Variants in SEMA6A observed in about 807,000 individuals in gnomAD.
SEMA6A encodes the protein semaphorin 6A.
A neutral mutation model predicts 96.8 loss-of-function variants in SEMA6A; 25 were observed. The ratio of observed to expected loss-of-function variants is 0.26; its 90% CI spans 0.19 to 0.36. The LOEUF is 0.36. Ranked by LOEUF, SEMA6A falls within the 10% of genes least tolerant of loss-of-function variation. The pLI, the probability that SEMA6A is intolerant of heterozygous loss-of-function variation, is 1.00. For synonymous variants in SEMA6A, 612 were observed against 518.0 expected, an observed-to-expected ratio of 1.18 and a Z score of -2.46; for missense variants, 1,363 against 1,323.1, an observed-to-expected ratio of 1.03 and a Z score of -0.47.
At chr5:116,455,833 T>TACAAATAGCTAACTGTGTGACTTTGG (rs1392363059) in intron 18 of SEMA6A, among the ~76,000 whole-genome samples, 1 of 152,194 alleles carries the variant, frequency 6.6e-6, no homozygotes, top group African/African-American at 2.4e-5. Flanking sequence ...GTGTTGGCTC[T>TACAAATAGCTAACTGTGTGACTTTGG]ACAAATAGCT....
chr5:116,505,108 T>G (rs1758080283), intron 1 of SEMA6A, 126 bp from the exon 2 acceptor site: 1 of 553,756 alleles, frequency 1.8e-6, no homozygotes, highest in African/African-American at 1.9e-5. Context: ...ACATGGTAAA[T>G]TCGTTGATTT....
At chr5:116,495,708 T>A in intron 5 of SEMA6A, 194 bp from the exon 6 acceptor site, 1 of 534,186 alleles carries the variant, frequency 1.9e-6, no homozygotes. Context: ...TCAACGTAAA[T>A]AAAAACAAAG....
chr5:116,446,721 C>T lies in SEMA6A; in HGVS notation c.2985G>A (p.Leu995=), dbSNP rs775138777. ...GCGTACGCTTCAGCCCCGACCTTGT[C>T]AGTGAGTTGTAGGCGTTGAGGCTGG... ...RQPSLNAYNS[L]TRSGLKRTPS... Residue 995 remains leucine (L), a synonymous_variant, in exon 19 of 19, where the codon CTG becomes CTA. Coordinates refer to ENST00000343348, the MANE Select transcript of SEMA6A (RefSeq NM_020796.5). 2 of 1,600,348 alleles carry T rather than the reference C, an allele frequency of 1.2e-6. No individual in the cohort carries two copies. The highest frequency in any genetic ancestry group is 1.7e-5 in the Admixed American group (1 of 57,750).
rs1754074939 is a variant in SEMA6A at position 116,444,612 on chromosome 5, AGAG to A, written c.*1998_*2000del. The A allele has an allele frequency of 6.6e-6, 1 of 152,666 alleles. No homozygotes were observed. Among genetic ancestry groups the A allele is most frequent in the Admixed American group, 6.5e-5 (1 of 15,292 alleles). The allele number at this position is 152,666 out of a possible 1,614,324, so 9.5% of individuals were successfully genotyped here. On this transcript the variant is annotated 3_prime_UTR_variant, in exon 19 of 19. Coordinates refer to ENST00000343348, the MANE Select transcript of SEMA6A (RefSeq NM_020796.5). ...TGTGTGCTTGAGCAAATGAAAACCA[AGAG>A]GAGAAAAACACACACCACCTCCCAT... is the stretch of plus-strand genomic sequence containing the variant.
intron 1 of SEMA6A, among the ~76,000 whole-genome samples, chr5:116,568,096 C>T (rs964094993): frequency 1.3e-5 from 2 of 152,108 alleles, no homozygotes; most frequent in African/African-American, 4.8e-5. Flanking sequence ...ACTACATGAA[C>T]AGTGTATATT....
In SEMA6A at chr5:116,447,724, A is replaced by G; in HGVS notation, c.1982T>C (p.Met661Thr). ...LAIAVILAFVMGAVFSGITVY... is the reference protein window; with the variant it reads ...LAIAVILAFVTGAVFSGITVY... Reference sequence around the variant, plus strand: ...GGTGATGCCCGAGAAGACGGCCCCCATGACGAAAGCCAGGATGACTGCAAT... The same window carrying G: ...GGTGATGCCCGAGAAGACGGCCCCCGTGACGAAAGCCAGGATGACTGCAAT... Residue 661 changes from methionine to threonine, a missense_variant, in exon 19 of 19, where the codon ATG becomes ACG. Coordinates refer to ENST00000343348, the MANE Select transcript of SEMA6A (RefSeq NM_020796.5). 6.2e-7 allele frequency: 1 copy of G among 1,613,970 alleles called. No homozygotes were observed. The highest frequency in any genetic ancestry group is 8.5e-7 in the Non-Finnish European group (1 of 1,179,838).
intron 1 of SEMA6A, chr5:116,562,792 C>T: frequency 1.4e-6 from 1 of 729,024 alleles, no homozygotes; most frequent in South Asian, 1.4e-5. Flanking sequence ...TGTTGGCTGC[C>T]CAGGATATGG....
intron 18 of SEMA6A, among the ~76,000 whole-genome samples, chr5:116,461,129 A>G (rs1051525832): frequency 1.3e-5 from 2 of 152,168 alleles, no homozygotes; most frequent in African/African-American, 4.8e-5. Flanking sequence ...TTATGTACCA[A>G]ATTTCTTACG....
At chr5:116,496,133 A>G (rs1238953496) in intron 5 of SEMA6A, 118 bp downstream of exon 5, 1 of 848,532 alleles carries the variant, frequency 1.2e-6, no homozygotes, top group East Asian at 2.5e-5. Flanking sequence ...TGAAAAAAGC[A>G]ATTACTGAGG....
intron 1 of SEMA6A, among the ~76,000 whole-genome samples, chr5:116,505,456 C>T (rs1004032544): frequency 7.4e-6 from 1 of 135,552 alleles, no homozygotes; most frequent in Non-Finnish European, 1.5e-5. Context: ...GACACACGCA[C>T]GCGCACACAC....
intron 1 of SEMA6A, among the ~76,000 whole-genome samples, chr5:116,547,803 CT>C (rs1256028190): frequency 4.2e-5 from 6 of 142,382 alleles, no homozygotes; most frequent in African/African-American, 1.5e-4. Flanking sequence ...GTAAAGTGTT[CT>C]GCAAATAAGG....
chr5:116,536,424 G>A (rs758086660), intron 1 of SEMA6A: 1 of 152,146 alleles, frequency 6.6e-6, no homozygotes, highest in African/African-American at 2.4e-5. Context: ...TGGGGAGCCC[G>A]AGTCATGGGA....
chr5:116,522,084 G>A (rs938705662), intron 1 of SEMA6A, among the ~76,000 whole-genome samples: 3 of 152,148 alleles, frequency 2.0e-5, no homozygotes, highest in African/African-American at 7.2e-5. Flanking sequence ...TACAAGCCAA[G>A]ATTGACTGAT....
At chr5:116,468,920 A>G (rs892958569) in intron 17 of SEMA6A, 21 of 152,100 alleles carry the variant, frequency 1.4e-4, no homozygotes, top group African/African-American at 4.8e-4. Context: ...TGGCCTCTAG[A>G]AAGACAGATT....
At chr5:116,514,733 G>C (rs1225480646) in intron 1 of SEMA6A, among the ~76,000 whole-genome samples, 1 of 152,096 alleles carries the variant, frequency 6.6e-6, no homozygotes, top group Non-Finnish European at 1.5e-5. Flanking sequence ...TCCTTGGCTT[G>C]CTGCCTGATG....
chr5:116,482,146 C>T (rs17139898), intron 11 of SEMA6A, among the ~76,000 whole-genome samples: 18,613 of 152,172 alleles, frequency 0.12, 1,320 homozygotes, highest in East Asian at 0.27. Context: ...TTGTACAATA[C>T]CCTTTACCTC....
chr5:116,478,407 TAA>T, intron 13 of SEMA6A, 133 bp downstream of exon 13: 1 of 994,336 alleles, frequency 1.0e-6, no homozygotes, highest in Non-Finnish European at 1.5e-6. Flanking sequence ...TTTTAGGTGT[TAA>T]ATTTTTACAA....
chr5:116,529,068 T>C (rs2112834948), intron 1 of SEMA6A, among the ~76,000 whole-genome samples: 1 of 152,350 alleles, frequency 6.6e-6, no homozygotes, highest in East Asian at 1.9e-4. Flanking sequence ...AAGGGTGTTA[T>C]TAACCTCATG....
intron 18 of SEMA6A, among the ~76,000 whole-genome samples, chr5:116,450,584 A>G (rs1034016154): frequency 6.6e-6 from 1 of 152,264 alleles, no homozygotes; most frequent in Non-Finnish European, 1.5e-5. Context: ...AAAGCTACTT[A>G]TTCTTTCACT....
Sources: allele counts gnomAD v4.1 joint callset (sites outside exome capture counted in the v4.1 genomes callset), GRCh38; gene constraint gnomAD v4.1.1; transcripts MANE v1.5; gene names NCBI Gene and HGNC (gene_info 2026-07-23, HGNC 2026-07-21).